The following MMP26 variants were observed in gnomAD, a reference collection of about 807,000 sequenced individuals.
MMP26 encodes matrix metalloproteinase-26.
A neutral mutation model predicts 31.0 loss-of-function variants in MMP26; 33 were observed. That is an observed-to-expected ratio of 1.06 (90% confidence interval 0.81 to 1.42). The LOEUF (loss-of-function observed/expected upper bound fraction) is 1.42. Among genes scored for constraint, MMP26 ranks in the 40% most tolerant of loss-of-function variants. The pLI is 0.00. For missense variants in MMP26, 347 were observed against 316.1 expected, an observed-to-expected ratio of 1.10 and a Z score of -0.74; for synonymous variants, 122 against 114.9, an observed-to-expected ratio of 1.06 and a Z score of -0.40.
chr11:4,824,116 A>G (rs1223634925), intron 2 of MMP26, among the ~76,000 whole-genome samples: 1 of 152,060 alleles, frequency 6.6e-6, no homozygotes, highest in Non-Finnish European at 1.5e-5. Flanking sequence ...GCATTGTGGG[A>G]CACTTTGTGG....
At chr11:4,963,491 A>G (rs768829158) in intron 2 of MMP26, among the ~76,000 whole-genome samples, 3 of 152,226 alleles carry the variant, frequency 2.0e-5, no homozygotes, top group Non-Finnish European at 4.4e-5. Flanking sequence ...ACTATACTAC[A>G]AGGCTACAGT....
At chr11:4,735,361 C>G (rs564207063) in intron 1 of MMP26, among the ~76,000 whole-genome samples, 2 of 151,944 alleles carry the variant, frequency 1.3e-5, no homozygotes, top group Non-Finnish European at 2.9e-5. Context: ...GCTATATATA[C>G]AGATATACAT....
chr11:4,820,679 A>C (rs1323492961), intron 2 of MMP26, among the ~76,000 whole-genome samples: 4 of 151,194 alleles, frequency 2.6e-5, no homozygotes, highest in Non-Finnish European at 5.9e-5. Context: ...CCTTTCTCCA[A>C]CTTTCTTACT....
intron 2 of MMP26, among the ~76,000 whole-genome samples, chr11:4,904,518 C>G (rs1203924640): frequency 6.6e-6 from 1 of 152,076 alleles, no homozygotes; most frequent in Non-Finnish European, 1.5e-5. Flanking sequence ...AATCTTACTG[C>G]TCCTCAGGGT....
intron 2 of MMP26, among the ~76,000 whole-genome samples, chr11:4,921,585 C>A (rs1172100470): frequency 6.6e-6 from 1 of 152,022 alleles, no homozygotes; most frequent in Non-Finnish European, 1.5e-5. Context: ...CTTGTGTGAG[C>A]ATGTAAGCAC....
chr11:4,729,037 A>T (rs1001594330), intron 1 of MMP26, among the ~76,000 whole-genome samples: 2 of 151,784 alleles, frequency 1.3e-5, no homozygotes, highest in African/African-American at 2.4e-5. Context: ...TGCATAAAAA[A>T]TCATCTCCCT....
chr11:4,983,559 G>A (rs1426355088), intron 2 of MMP26, among the ~76,000 whole-genome samples: 1 of 152,152 alleles, frequency 6.6e-6, no homozygotes, highest in Non-Finnish European at 1.5e-5. Context: ...GCTAGGAGAG[G>A]TCCTAGGCAC....
At chr11:4,957,938 C>T (rs1846466630) in intron 2 of MMP26, among the ~76,000 whole-genome samples, 1 of 152,058 alleles carries the variant, frequency 6.6e-6, no homozygotes, top group Admixed American at 6.6e-5. Context: ...CTTCAGCCTC[C>T]CAGCATATAT....
intron 2 of MMP26, among the ~76,000 whole-genome samples, chr11:4,922,983 AAC>A (rs1240810125): frequency 6.6e-6 from 1 of 152,244 alleles, no homozygotes; most frequent in Admixed American, 6.5e-5. Flanking sequence ...AATATGTTTA[AAC>A]AGTTAATCAT....
At position 4,790,275 on chromosome 11, in the gene MMP26, G is replaced by A. The variant is rs1014648328; in HGVS notation, c.-145+22934G>A. On this transcript the variant is annotated intron_variant, in intron 2 of 7. Transcript: ENST00000380390. ...AGAATCTCTTAAACCTGGGAGGTGC[G>A]GAGGCTGCGGTGAGCCAAGATTGCG... Among the ~76,000 whole-genome samples the A allele has an allele frequency of 4.8e-5, 7 of 145,384 alleles. No homozygotes were observed. In the East Asian group the frequency reaches 5.8e-4, roughly 12 times the overall value.
intron 2 of MMP26, among the ~76,000 whole-genome samples, chr11:4,857,842 C>A (rs921908371): frequency 6.6e-6 from 1 of 152,140 alleles, no homozygotes; most frequent in African/African-American, 2.4e-5. Context: ...TACTGGCAAA[C>A]CGAATCCAGC....
At chr11:4,848,488 G>A (rs115882083) in intron 2 of MMP26, 1 of 1,613,602 alleles carries the variant, frequency 6.2e-7, no homozygotes, top group South Asian at 1.1e-5. Context: ...GCCTTCCAGC[G>A]ATCCTCTCTG....
chr11:4,864,881 T>G (rs1850213908), intron 2 of MMP26, among the ~76,000 whole-genome samples: 1 of 152,128 alleles, frequency 6.6e-6, no homozygotes, highest in Non-Finnish European at 1.5e-5. Flanking sequence ...CCATCAAAAG[T>G]CTTCCTATCC....
chr11:4,946,012 T>G (rs796664282), intron 2 of MMP26: 1 of 744,716 alleles, frequency 1.3e-6, no homozygotes. Flanking sequence ...AGTTCTATTC[T>G]CATTCGCAGT....
At chr11:4,770,267 A>T (rs1465987149) in intron 2 of MMP26, among the ~76,000 whole-genome samples, 1 of 152,214 alleles carries the variant, frequency 6.6e-6, no homozygotes, top group Non-Finnish European at 1.5e-5. Context: ...AAAAATAAGT[A>T]TCCTCAATTT....
At chr11:4,771,567 T>G (rs2133422935) in intron 2 of MMP26, among the ~76,000 whole-genome samples, 1 of 152,330 alleles carries the variant, frequency 6.6e-6, no homozygotes, top group South Asian at 2.1e-4. Context: ...AATTAATATA[T>G]TTATATTGTT....
intron 2 of MMP26, among the ~76,000 whole-genome samples, chr11:4,917,543 A>G (rs1320671378): frequency 6.6e-6 from 1 of 152,194 alleles, no homozygotes; most frequent in African/African-American, 2.4e-5. Flanking sequence ...CACTCCAATA[A>G]CGGTGGCATT....
At chr11:4,916,917 T>C (rs1851102688) in intron 2 of MMP26, among the ~76,000 whole-genome samples, 1 of 152,112 alleles carries the variant, frequency 6.6e-6, no homozygotes, top group Non-Finnish European at 1.5e-5. Flanking sequence ...CACAGGGCAG[T>C]GATGCTGGAA....
intron 2 of MMP26, among the ~76,000 whole-genome samples, chr11:4,785,394 G>A (rs1041600671): frequency 2.0e-5 from 3 of 151,818 alleles, no homozygotes; most frequent in African/African-American, 7.3e-5. Flanking sequence ...AAAGTTCCTT[G>A]AACACAGATA....
Sources: allele counts gnomAD v4.1 joint callset (sites outside exome capture counted in the v4.1 genomes callset), GRCh38; gene constraint gnomAD v4.1.1; transcripts MANE v1.5; gene names NCBI Gene and HGNC (gene_info 2026-07-23, HGNC 2026-07-21).